SEMA6D: variants seen among roughly 807,000 people sequenced by gnomAD.
SEMA6D encodes semaphorin-6D.
A neutral mutation model predicts 106.6 loss-of-function variants in SEMA6D; 35 were observed. The ratio of observed to expected loss-of-function variants is 0.33; its 90% confidence interval spans 0.25 to 0.44. SEMA6D has a LOEUF of 0.44. SEMA6D is among the 20% of genes least tolerant of loss of function. The pLI, the probability that SEMA6D is intolerant of heterozygous loss-of-function variation, is 1.00. For missense variants in SEMA6D, 1,185 were observed against 1,345.9 expected (o/e 0.88, Z 1.87); for synonymous variants, 499 against 487.7 (o/e 1.02, Z -0.31).
intron 1 of SEMA6D, among the ~76,000 whole-genome samples, chr15:47,199,338 C>G (rs1229695600): frequency 6.6e-6 from 1 of 152,118 alleles, no homozygotes; most frequent in Admixed American, 6.6e-5. Context: ...CAATACATTT[C>G]CAGCAAAGTG....
chr15:47,235,792 T>C (rs747146305), intron 1 of SEMA6D, among the ~76,000 whole-genome samples: 2 of 151,990 alleles, frequency 1.3e-5, no homozygotes, highest in Non-Finnish European at 2.9e-5. Flanking sequence ...GGATTTATGC[T>C]TGTAAATTGC....
chr15:47,753,721 A>G (rs2081569883), intron 1 of SEMA6D, among the ~76,000 whole-genome samples: 1 of 152,176 alleles, frequency 6.6e-6, no homozygotes, highest in Non-Finnish European at 1.5e-5. Context: ...CTGGGAAACT[A>G]TCAGGTAAAA....
Position 47,770,600 on chromosome 15 carries a change from A to T in SEMA6D, c.2037A>T (p.Ala679=), listed in dbSNP as rs564474645. 6.2e-7 allele frequency: 1 copy of T among 1,614,024 alleles called. No individual in the cohort carries two copies. The highest frequency in any genetic ancestry group is 1.1e-5 in the South Asian group (1 of 91,072). The part of the protein sequence containing the change: ...FAAFVLGAFI[A]GVAVYCYRDM... ...CTTTTGTTTTGGGGGCATTCATTGC[A>T]GGTGTGGCAGTATACTGCTATCGAG... Residue 679 remains alanine, a synonymous_variant, in exon 19 of 19, where the codon GCA becomes GCT. Transcript: ENST00000536845.
chr15:47,566,742 G>A (rs1404316218), intron 3 of SEMA6D, among the ~76,000 whole-genome samples: 5 of 152,172 alleles, frequency 3.3e-5, no homozygotes, highest in African/African-American at 9.7e-5. Context: ...TGAATACCTC[G>A]CTCCTGAAAT....
At chr15:47,603,031 G>A (rs1269806087) in intron 4 of SEMA6D, among the ~76,000 whole-genome samples, 1 of 152,180 alleles carries the variant, frequency 6.6e-6, no homozygotes, top group Non-Finnish European at 1.5e-5. Flanking sequence ...ATTGGGCACT[G>A]TGACTAAGAT....
At chr15:47,373,255 C>T (rs540088834) in intron 1 of SEMA6D, among the ~76,000 whole-genome samples, 61 of 152,236 alleles carry the variant, frequency 4.0e-4, no homozygotes, top group African/African-American at 1.4e-3. Flanking sequence ...GTCATAGTTG[C>T]CACATGGGCA....
Position 47,764,725 on chromosome 15 carries a change from T to C in SEMA6D, c.1185T>C (p.Ser395=). ...ATGAAACTCTGTCATTCATCAAATC[T>C]CATCCCCTGATGGACTCTGCCGTTC... ...FPDETLSFIK[S]HPLMDSAVPP... is the part of the protein sequence containing the mutation. Residue 395 remains serine (S), a synonymous_variant, in exon 12 of 19, where the codon TCT becomes TCC. Transcript: ENST00000536845. The C allele has an allele frequency of 6.2e-7, 1 of 1,614,046 alleles. No individual in the cohort carries two copies. Among genetic ancestry groups the C allele is most frequent in the Non-Finnish European group, 8.5e-7 (1 of 1,179,910 alleles).
At chr15:47,435,497 A>G (rs1225684781) in intron 2 of SEMA6D, among the ~76,000 whole-genome samples, 1 of 152,026 alleles carries the variant, frequency 6.6e-6, no homozygotes, top group Non-Finnish European at 1.5e-5. Flanking sequence ...GTCTAATGAC[A>G]TGTGGCTCCC....
At chr15:47,361,936 C>T (rs1191841007) in intron 1 of SEMA6D, among the ~76,000 whole-genome samples, 1 of 152,130 alleles carries the variant, frequency 6.6e-6, no homozygotes, top group African/African-American at 2.4e-5. Context: ...ACACTCTCTT[C>T]GAAGAATTCC....
At chr15:47,659,358 G>A (rs1431757198) in intron 4 of SEMA6D, among the ~76,000 whole-genome samples, 1 of 151,586 alleles carries the variant, frequency 6.6e-6, no homozygotes, top group African/African-American at 2.4e-5. Flanking sequence ...TACAGGAATT[G>A]ATCAATGCAA....
chr15:47,676,586 C>G lies in SEMA6D; in HGVS notation c.-55+75690C>G, dbSNP rs145724058. 1.0e-2 allele frequency among the ~76,000 whole-genome samples: 1,519 copies of G among 152,248 alleles called. 14 individuals are homozygous for G. The highest frequency in any genetic ancestry group is 0.045 in the South Asian group (215 of 4,824). ...TTACGAATTCTGACATTAAATTGTT[C>G]CTCCAGTCAAACTGAGATTAATGGC... On this transcript the variant is annotated intron_variant, in intron 4 of 19. Coordinates refer to the SEMA6D transcript ENST00000558014.
intron 3 of SEMA6D, among the ~76,000 whole-genome samples, chr15:47,524,784 T>A (rs992000134): frequency 2.6e-5 from 4 of 152,204 alleles, no homozygotes; most frequent in African/African-American, 9.7e-5. Flanking sequence ...CTGAAGTACA[T>A]TGCTTAATAA....
intron 1 of SEMA6D, among the ~76,000 whole-genome samples, chr15:47,313,182 T>G (rs1258947662): frequency 6.6e-6 from 1 of 152,216 alleles, no homozygotes; most frequent in Admixed American, 6.5e-5. Context: ...CCGTACATTC[T>G]GTGGGTTTGG....
intron 2 of SEMA6D, among the ~76,000 whole-genome samples, chr15:47,464,935 A>G (rs1596065461): frequency 6.6e-6 from 1 of 152,120 alleles, no homozygotes; most frequent in Non-Finnish European, 1.5e-5. Context: ...TTCTTCTGCA[A>G]ATAATCAGGT....
At chr15:47,766,254 AAACTTCCAATTAT>A in intron 15 of SEMA6D, 72 bp downstream of exon 15, 1 of 1,343,346 alleles carries the variant, frequency 7.4e-7, no homozygotes, top group Non-Finnish European at 1.0e-6. Context: ...AAATTGCAGA[AAACTTCCAATTAT>A]ACTACTTTTC....
At chr15:47,615,150 C>T (rs187802317) in intron 4 of SEMA6D, among the ~76,000 whole-genome samples, 1 of 151,942 alleles carries the variant, frequency 6.6e-6, no homozygotes, top group Non-Finnish European at 1.5e-5. Context: ...CGACCAACCA[C>T]AGGTCAAAAA....
intron 1 of SEMA6D, among the ~76,000 whole-genome samples, chr15:47,251,869 A>T (rs2033527643): frequency 6.7e-6 from 1 of 150,340 alleles, no homozygotes; most frequent in Non-Finnish European, 1.5e-5. Flanking sequence ...CCTCTTCAGT[A>T]AGTATCTGTT....
intron 1 of SEMA6D, among the ~76,000 whole-genome samples, chr15:47,264,113 C>T (rs1273267616): frequency 2.6e-5 from 4 of 152,056 alleles, no homozygotes; most frequent in East Asian, 2.0e-4. Context: ...GCAAATACTG[C>T]GTGTTCTCAC....
At chr15:47,288,743 G>A (rs1012143260) in intron 1 of SEMA6D, among the ~76,000 whole-genome samples, 4 of 152,116 alleles carry the variant, frequency 2.6e-5, no homozygotes, top group Admixed American at 6.5e-5. Flanking sequence ...TTTTATGGCT[G>A]TAGTAGCTGC....
Sources: gnomAD v4.1 joint callset for allele counts (sites outside exome capture counted in the v4.1 genomes callset) on GRCh38, gnomAD v4.1.1 for gene constraint, MANE v1.5 for transcripts, NCBI Gene and HGNC (gene_info 2026-07-23, HGNC 2026-07-21) for gene names.